The following SPRED3 variants were observed in gnomAD, a reference collection of about 807,000 sequenced individuals.
SPRED3 encodes the protein sprouty related EVH1 domain containing 3, also known as sprouty-related, EVH1 domain-containing protein 3.
Under a neutral mutation model 37.6 loss-of-function variants are expected in SPRED3, and 23 were observed. The observed-to-expected ratio is 0.61, with a 90% CI of 0.44 to 0.87. SPRED3 has a LOEUF of 0.87. Among genes scored for constraint, SPRED3 ranks in the 40% least tolerant of loss-of-function variants. The pLI, the probability that SPRED3 is intolerant of heterozygous loss-of-function variation, is 0.00. For synonymous variants in SPRED3, 302 were observed against 279.6 expected (o/e 1.08, Z -0.80); for missense variants, 584 against 618.6 (o/e 0.94, Z 0.59).
At chr19:38,390,153 G>A in intron 1 of SPRED3, 146 bp from the exon 2 acceptor site, 1 of 652,422 alleles carries the variant, frequency 1.5e-6, no homozygotes, top group Admixed American at 4.2e-5. Flanking sequence ...GGGGTTGAAG[G>A]TGGGTATTGC....
intron 4 of SPRED3, among the ~76,000 whole-genome samples, chr19:38,394,129 G>A (rs1970864131): frequency 6.6e-6 from 1 of 152,238 alleles, no homozygotes. Flanking sequence ...GGTCTGAGAA[G>A]TCGTTTCAGC....
chr19:38,391,857 T>C (rs891573179), intron 2 of SPRED3, 89 bp from the exon 3 acceptor site: 2 of 1,475,022 alleles, frequency 1.4e-6, no homozygotes, highest in Non-Finnish European at 1.9e-6. Context: ...GAGAAGACAC[T>C]AGGGTATGCA....
At chr19:38,392,362 C>A in intron 4 of SPRED3, 74 bp downstream of exon 4, 1 of 1,427,008 alleles carries the variant, frequency 7.0e-7, no homozygotes. Context: ...TTCTTGAGCA[C>A]CTACTGTGTA....
chr19:38,390,764 G>GCCCCCCCCCC (rs57016544), intron 2 of SPRED3, among the ~76,000 whole-genome samples: 2 of 62,460 alleles, frequency 3.2e-5, no homozygotes, highest in African/African-American at 6.4e-5. Context: ...AGGGGGCACT[G>GCCCCCCCCCC]CCCCCCCCCC....
intron 2 of SPRED3, 132 bp from the exon 3 acceptor site, chr19:38,391,806 AGAGTTCAG>A: frequency 3.1e-6 from 3 of 958,746 alleles, no homozygotes; most frequent in Middle Eastern, 2.9e-4. Context: ...AGTGTTGATC[AGAGTTCAG>A]GGTTACACTT....
At chr19:38,394,303 T>C in intron 4 of SPRED3, 1 of 1,438,628 alleles carries the variant, frequency 7.0e-7, no homozygotes. Flanking sequence ...TCCTCAGGTT[T>C]GGCGAGCTGA....
Position 38,394,758 on chromosome 19 carries a change from C to T in SPRED3, c.539C>T (p.Pro180Leu), listed in dbSNP as rs779195105. ...ESASGFGPTTPPQRRRSSAQS... is the reference protein window; with the variant it reads ...ESASGFGPTTLPQRRRSSAQS... ...GCTTCAGGCTTCGGGCCGACCACGC[C>T]CCCCCAGCGCCGCCGCTCCTCCGCT... The change falls in exon 5 of 6, where the codon CCC (proline) becomes CTC (leucine). Residue 180 changes from proline (P) to leucine (L), a missense_variant. By Grantham distance (98) the Pro-to-Leu change is moderately conservative. Transcript: ENST00000691638. 1.3e-6 allele frequency: 2 copies of T among 1,576,508 alleles called. No homozygotes were observed. Among genetic ancestry groups the T allele is most frequent in the South Asian group, 1.2e-5 (1 of 86,656 alleles).
At chr19:38,394,519 A>T (rs1600517000) in intron 4 of SPRED3, 124 bp from the exon 5 acceptor site, 1 of 1,549,104 alleles carries the variant, frequency 6.5e-7, no homozygotes, top group East Asian at 2.2e-5. Flanking sequence ...TCAGTGACAG[A>T]GCCGGGGTTT....
intron 2 of SPRED3, among the ~76,000 whole-genome samples, chr19:38,390,775 C>A (rs983087564): frequency 3.2e-5 from 4 of 124,758 alleles, no homozygotes; most frequent in Admixed American, 2.3e-4. Flanking sequence ...CCCCCCCCCC[C>A]CCGCCCCGAC....
At position 38,390,494 on chromosome 19, in the gene SPRED3, G is replaced by A; in HGVS notation, c.177+15G>A. The A allele has an allele frequency of 7.4e-7, 1 of 1,347,488 alleles. No individual in the cohort carries two copies. 83.5% of individuals were successfully genotyped at this position (1,347,488 alleles called of 1,614,324 possible). A position where few individuals can be genotyped will look rare whatever the true frequency, so the allele number is the denominator to read the frequency against. On this transcript the variant is annotated intron_variant, in intron 2 of 5. Coordinates refer to ENST00000691638, the MANE Select transcript of SPRED3 (RefSeq NM_001394336.1). ...GGGACCAGAAAGTGAGCCACCCTGG[G>A]GCATGCGGGGAGGGTAGGGACCTGG...
intron 4 of SPRED3, among the ~76,000 whole-genome samples, chr19:38,393,921 TG>T: frequency 6.6e-6 from 1 of 152,158 alleles, no homozygotes; most frequent in Non-Finnish European, 1.5e-5. Flanking sequence ...GGAGATGAAG[TG>T]GGGCCACAAC....
At chr19:38,394,938 G>T in intron 5 of SPRED3, 152 bp downstream of exon 5, 1 of 1,175,232 alleles carries the variant, frequency 8.5e-7, no homozygotes, top group South Asian at 1.7e-5. Context: ...AAGCGGCGGG[G>T]AAATAGGGAG....
At chr19:38,391,819 A>T in intron 2 of SPRED3, 127 bp from the exon 3 acceptor site, 2 of 1,094,918 alleles carry the variant, frequency 1.8e-6, no homozygotes, top group Non-Finnish European at 1.3e-6. Flanking sequence ...GTTCAGGGTT[A>T]CACTTAGGGT....
chr19:38,391,857 T>G, intron 2 of SPRED3, 89 bp from the exon 3 acceptor site: 1 of 1,475,022 alleles, frequency 6.8e-7, no homozygotes, highest in South Asian at 1.2e-5. Flanking sequence ...GAGAAGACAC[T>G]AGGGTATGCA....
rs1250935852 is a variant in SPRED3, at chr19:38,395,485, C to T, written c.573C>T (p.Tyr191=). The stretch of plus-strand genomic sequence containing the variant: ...TTTGTCCCTTCGTTCCGCAGAGCTA[C>T]CCTCCGCTTCTACCGTTCACGGGGA... ...PQRRRSSAQS[Y]PPLLPFTGIP... The change falls in exon 6 of 6, where the codon TAC becomes TAT. Residue 191 remains tyrosine (Y), a synonymous_variant. Transcript: ENST00000691638. This position sits in a 1 kb window ranked among gnomAD's most constrained non-coding sequence, Gnocchi z 5.2. The T allele has an allele frequency of 1.3e-6, 2 of 1,492,756 alleles. No individual in the cohort carries two copies. Among genetic ancestry groups the T allele is most frequent in the Non-Finnish European group, 1.8e-6 (2 of 1,124,564 alleles). 92.5% of individuals were successfully genotyped at this position (1,492,756 alleles called of 1,614,324 possible).
Position 38,395,902 on chromosome 19 carries a change from C to T in SPRED3, c.990C>T (p.Ser330=). 1 of 1,509,260 alleles carries T rather than the reference C, an allele frequency of 6.6e-7. No individual in the cohort carries two copies. The highest frequency in any genetic ancestry group is 8.8e-7 in the Non-Finnish European group (1 of 1,137,788). 93.5% of individuals were successfully genotyped at this position (1,509,260 alleles called of 1,614,324 possible). A position where few individuals can be genotyped will look rare whatever the true frequency, so the allele number is the denominator to read the frequency against. Residue 330 remains serine, a synonymous_variant, in exon 6 of 6, where the codon AGC becomes AGT. Coordinates refer to ENST00000691638, the MANE Select transcript of SPRED3 (RefSeq NM_001394336.1). This position sits in a 1 kb window ranked among gnomAD's most constrained non-coding sequence, Gnocchi z 5.2. ...GTCGCCTCCTGGTGCGCCGTCTAAGCTGCCTGTGGTGCGCCGAGAGCTTGC... is the reference window on the plus strand; with the variant it reads ...GTCGCCTCCTGGTGCGCCGTCTAAGTTGCCTGTGGTGCGCCGAGAGCTTGC... ...DPGRLLVRRL[S]CLWCAESLLY...
intron 2 of SPRED3, among the ~76,000 whole-genome samples, chr19:38,390,761 A>AC (rs1970819759): frequency 1.5e-5 from 1 of 67,308 alleles, no homozygotes; most frequent in African/African-American, 5.6e-5. Context: ...CACAGGGGGC[A>AC]CTGCCCCCCC....
rs536485184 is a variant in SPRED3, at chr19:38,391,147, A to T, written c.177+668A>T. ...TAGGCAAGGATTTGAGGGAACATCA[A>T]TAGGGTGTTGGCTAGCATCTGAAGG... On this transcript the variant is annotated intron_variant, in intron 2 of 5. Transcript: ENST00000691638. Among the ~76,000 whole-genome samples, 10 of 151,974 alleles carry T rather than the reference A, an allele frequency of 6.6e-5. No homozygotes were observed. The East Asian group carries it at 1.9e-3, about 29-fold the overall frequency.
Position 38,392,027 on chromosome 19 carries a change from T to G in SPRED3, c.259T>G (p.Cys87Gly). Residue 87 changes from cysteine (C) to glycine (G), a missense_variant, in exon 3 of 6, where the codon TGC becomes GGC. This residue lies in a region of SPRED3 where 9 missense variants were observed against 27.0 expected (regional missense o/e 0.33). Transcript: ENST00000691638. ...PIFHHWSLGD[C>G]KFGLTFQSPA... ...CTTTCACCACTGGAGCCTGGGTGAC[T>G]GCAAGTTTGGACTGACGTTTCAGAG... The G allele has an allele frequency of 1.9e-6, 3 of 1,614,198 alleles. No homozygotes were observed. Among genetic ancestry groups the G allele is most frequent in the Non-Finnish European group, 2.5e-6 (3 of 1,180,036 alleles).
Sources: allele counts gnomAD v4.1 joint callset (sites outside exome capture counted in the v4.1 genomes callset), GRCh38; gene constraint gnomAD v4.1.1; regional missense constraint gnomAD v4.1.1; non-coding constraint Gnocchi (gnomAD v3.1); transcripts MANE v1.5; gene names NCBI Gene and HGNC (gene_info 2026-07-23, HGNC 2026-07-21).